HAUS6: variants seen among roughly 807,000 people sequenced by gnomAD.
HAUS6 encodes the protein HAUS augmin like complex subunit 6.
A neutral mutation model predicts 106.8 loss-of-function variants in HAUS6; 80 were observed. That is an observed-to-expected ratio of 0.75 (90% CI 0.63 to 0.90). The LOEUF is 0.90. HAUS6 is among the 40% of genes least tolerant of loss of function. HAUS6 has a pLI of 0.00. For missense variants in HAUS6, 1,155 were observed against 1,118.1 expected (o/e 1.03, Z -0.47); for synonymous variants, 356 against 379.1 (o/e 0.94, Z 0.71).
rs12000865 is a variant in HAUS6, at chr9:19,060,233, A to G, written c.1630-10T>C. 5,073 of 1,518,986 alleles carry G rather than the reference A, an allele frequency of 3.3e-3. 149 individuals carry two copies. In the African/African-American group the frequency reaches 0.062, roughly 19 times the overall value. The allele number at this position is 1,518,986 out of a possible 1,614,324, so 94.1% of individuals were successfully genotyped here. A position where few individuals can be genotyped will look rare whatever the true frequency, so the allele number is the denominator to read the frequency against. On this transcript the variant is annotated splice_polypyrimidine_tract_variant and intron_variant, in intron 14 of 16. Transcript: ENST00000380502. ...AAACTGCTCTGGCAACCTAAAACAG[A>G]AAAGAAAAAGTAAAGCAAAGATTAC...
chr9:19,088,642 C>T (rs990974078), intron 5 of HAUS6, among the ~76,000 whole-genome samples: 8 of 149,280 alleles, frequency 5.4e-5, no homozygotes, highest in Admixed American at 4.7e-4. Context: ...CCAAGGCAGG[C>T]GGATCACTTG....
intron 8 of HAUS6, among the ~76,000 whole-genome samples, chr9:19,082,182 T>C (rs544319295): frequency 6.6e-5 from 10 of 152,252 alleles, no homozygotes; most frequent in African/African-American, 2.2e-4. Context: ...TAATGTTGCT[T>C]TACAAGCAAC....
At position 19,058,134 on chromosome 9, in the gene HAUS6, G is replaced by C. The variant is rs373566745; in HGVS notation, c.2633C>G (p.Thr878Arg). The C allele has an allele frequency of 4.6e-5, 75 of 1,613,874 alleles. No homozygotes were observed. Among genetic ancestry groups the C allele is most frequent in the Non-Finnish European group, 5.6e-5 (66 of 1,179,908 alleles). Reference sequence around the variant, plus strand: ...ATCACAGGTGTCCAAAAAGTTAAGCGTATCATCTGTTTGTACATTTTGGGG... The same window carrying C: ...ATCACAGGTGTCCAAAAAGTTAAGCCTATCATCTGTTTGTACATTTTGGGG... ...PTPQNVQTDD[T>R]LNFLDTCDLH... Residue 878 changes from threonine (T) to arginine (R), a missense_variant, in exon 16 of 17, where the codon ACG becomes AGG. This residue lies in a region of HAUS6 where 380 missense variants were observed against 394.8 expected (regional missense o/e 0.96). Transcript: ENST00000380502.
chr9:19,070,248 G>A lies in HAUS6; in HGVS notation c.1347C>T (p.Thr449=). ...QENGCRGDSD[T]LGALHDLANS... is the part of the protein sequence containing the mutation. ...TGGCTAGATCATGTAGCGCTCCCAA[G>A]GTATCACTGTCTCCTCTGCAACCAT... Residue 449 remains threonine, a synonymous_variant, in exon 12 of 17, where the codon ACC becomes ACT. Transcript: ENST00000380502. The A allele has an allele frequency of 6.2e-7, 1 of 1,600,058 alleles. No homozygotes were observed. The highest frequency in any genetic ancestry group is 1.1e-5 in the South Asian group (1 of 90,658).
chr9:19,077,312 A>C (rs1259124383), intron 10 of HAUS6, among the ~76,000 whole-genome samples: 2 of 152,192 alleles, frequency 1.3e-5, no homozygotes, highest in Non-Finnish European at 2.9e-5. Flanking sequence ...AGGCAGGTGG[A>C]TCACCTGAAG....
intron 8 of HAUS6, among the ~76,000 whole-genome samples, chr9:19,081,987 T>C (rs1255224964): frequency 6.6e-6 from 1 of 152,110 alleles, no homozygotes; most frequent in Admixed American, 6.6e-5. Flanking sequence ...ATGAATTGTG[T>C]TTTCTAAGAA....
At chr9:19,095,118 A>G (rs763055331) in intron 2 of HAUS6, among the ~76,000 whole-genome samples, 3 of 151,986 alleles carry the variant, frequency 2.0e-5, no homozygotes, top group African/African-American at 7.2e-5. Flanking sequence ...AAAATGGCAT[A>G]CAAGATTATG....
intron 5 of HAUS6, among the ~76,000 whole-genome samples, chr9:19,087,929 C>T (rs906639105): frequency 1.3e-5 from 2 of 151,066 alleles, no homozygotes; most frequent in Non-Finnish European, 2.9e-5. Context: ...CCTTGTCTGT[C>T]CTGTTTAATT....
At chr9:19,081,014 G>C (rs1810187645) in intron 8 of HAUS6, among the ~76,000 whole-genome samples, 1 of 152,064 alleles carries the variant, frequency 6.6e-6, no homozygotes, top group African/African-American at 2.4e-5. Context: ...AGAGGTTGCA[G>C]TGAGCCGAGA....
Position 19,098,642 on chromosome 9 carries a change from A to C in HAUS6, c.129-1873T>G, listed in dbSNP as rs143964938. On this transcript the variant is annotated intron_variant, in intron 1 of 16. Coordinates refer to ENST00000380502, the MANE Select transcript of HAUS6 (RefSeq NM_017645.5). Reference sequence around the variant, plus strand: ...CTTCCCCTTCTATCTATTCTCTGTAATGCAACCATATGATTTTTCCAAACT... The same window carrying C: ...CTTCCCCTTCTATCTATTCTCTGTACTGCAACCATATGATTTTTCCAAACT... 3.1e-3 allele frequency among the ~76,000 whole-genome samples: 466 copies of C among 152,198 alleles called. 1 individual carries two copies. Among genetic ancestry groups the C allele is most frequent in the African/African-American group, 0.011 (446 of 41,514 alleles).
chr9:19,074,823 C>G (rs550277240), intron 11 of HAUS6, among the ~76,000 whole-genome samples: 2 of 152,242 alleles, frequency 1.3e-5, no homozygotes, highest in African/African-American at 4.8e-5. Flanking sequence ...CTTATCTATC[C>G]TCTATTTACA....
At chr9:19,072,600 G>C (rs9298798) in intron 11 of HAUS6, among the ~76,000 whole-genome samples, 126,271 of 152,134 alleles carry the variant, frequency 0.83, 52,648 homozygotes, top group African/African-American at 0.89. Context: ...ATTATATCAT[G>C]GAAGTCTGAA....
In HAUS6 at chr9:19,102,508, G is replaced by A. The variant is rs1244441978; in HGVS notation, c.128+16C>T. 3 of 1,610,556 alleles carry A rather than the reference G, an allele frequency of 1.9e-6. No homozygotes were observed. The highest frequency in any genetic ancestry group is 2.2e-5 in the East Asian group (1 of 44,734). ...CGGTTCAGGCTCCCTCGCCCCGCCG[G>A]CCCCGGCCTCCTTACACTCCGAGGT... On this transcript the variant is annotated intron_variant, in intron 1 of 16. Transcript: ENST00000380502.
intron 12 of HAUS6, among the ~76,000 whole-genome samples, chr9:19,066,360 T>C (rs1588601658): frequency 6.6e-6 from 1 of 152,136 alleles, no homozygotes; most frequent in African/African-American, 2.4e-5. Context: ...TTGTTGCTGT[T>C]GTTATACCAA....
rs752147454 is a variant in HAUS6 at position 19,056,366 on chromosome 9, G to A, written c.2845C>T (p.Pro949Ser). Residue 949 changes from proline (P) to serine (S), a missense_variant, in exon 17 of 17, where the codon CCA becomes TCA. Around this residue, in one of 3 missense-constraint regions of HAUS6, gnomAD observed 380 missense variants for 394.8 expected, o/e 0.96. Transcript: ENST00000380502. ...CTTCATCTTGTCAAGTCAGACGGTGGTTCTTTTGCATCAAGGCTCTTATTC... is the reference window on the plus strand; with the variant it reads ...CTTCATCTTGTCAAGTCAGACGGTGATTCTTTTGCATCAAGGCTCTTATTC... ...ILNKSLDAKE[P>S]PSDLTR is the part of the protein sequence containing the mutation. 4.5e-6 allele frequency: 7 copies of A among 1,551,646 alleles called. No homozygotes were observed. Among genetic ancestry groups the A allele is most frequent in the Non-Finnish European group, 6.2e-6 (7 of 1,123,892 alleles).
At position 19,053,676 on chromosome 9, in the gene HAUS6, T is replaced by TA. The variant is rs1436409161; in HGVS notation, c.*2666dup. 6 of 152,210 alleles carry TA rather than the reference T, an allele frequency of 3.9e-5. No individual in the cohort carries two copies. Among genetic ancestry groups the TA allele is most frequent in the African/African-American group, 1.4e-4 (6 of 41,462 alleles). 9.4% of individuals were successfully genotyped at this position (152,210 alleles called of 1,614,324 possible). On this transcript the variant is annotated 3_prime_UTR_variant, in exon 17 of 17. Coordinates refer to ENST00000380502, the MANE Select transcript of HAUS6 (RefSeq NM_017645.5). The stretch of plus-strand genomic sequence containing the variant: ...TGTCAGTTTATATACCTTTGTATCT[T>TA]ACAAATAGTAAAACAAAGTACATTC...
At chr9:19,101,037 A>T (rs1817975707) in intron 1 of HAUS6, among the ~76,000 whole-genome samples, 1 of 152,238 alleles carries the variant, frequency 6.6e-6, no homozygotes, top group Non-Finnish European at 1.5e-5. Context: ...CATAAGTGAA[A>T]CTATAGTTAA....
intron 12 of HAUS6, 63 bp downstream of exon 12, chr9:19,070,156 C>T: frequency 3.2e-6 from 3 of 947,236 alleles, no homozygotes. Context: ...TCAGTTCCAT[C>T]TCTATTTTTT....
chr9:19,101,044 T>C (rs139243838), intron 1 of HAUS6, among the ~76,000 whole-genome samples: 3 of 152,302 alleles, frequency 2.0e-5, no homozygotes, highest in East Asian at 3.9e-4. Context: ...GAAACTATAG[T>C]TAAAAATAAT....
Sources: gnomAD v4.1 joint callset for allele counts (sites outside exome capture counted in the v4.1 genomes callset) on GRCh38, gnomAD v4.1.1 for gene constraint, gnomAD v4.1.1 regional missense constraint, MANE v1.5 for transcripts, NCBI Gene and HGNC (gene_info 2026-07-23, HGNC 2026-07-21) for gene names.